CBX5: variants seen among roughly 807,000 people sequenced by gnomAD.
CBX5 encodes the protein chromobox 5.
In CBX5, 7 loss-of-function variants were observed where a neutral mutation model predicts 20.7. The ratio of observed to expected loss-of-function variants is 0.34; its 90% confidence interval spans 0.19 to 0.63. CBX5 has a LOEUF of 0.63. Ranked by LOEUF, CBX5 falls within the 30% of genes least tolerant of loss-of-function variation. The probability of loss-of-function intolerance (pLI) is 0.75; values close to 1 mark genes in which losing one functional copy is unlikely to be tolerated. For missense variants in CBX5, 110 were observed against 224.1 expected (o/e 0.49, Z 3.25); for synonymous variants, 78 against 77.0 (o/e 1.01, Z -0.07).
Position 54,237,215 on chromosome 12 carries a change from T to C in CBX5, c.*4540A>G, listed in dbSNP as rs1391453552. The stretch of plus-strand genomic sequence containing the variant: ...TCTGTCTATAATGAGAATATATCAA[T>C]AGCAGGAAATCTACTTTCACACATG... On this transcript the variant is annotated 3_prime_UTR_variant, in exon 5 of 5. Coordinates refer to ENST00000209875, the MANE Select transcript of CBX5 (RefSeq NM_012117.3). 1 of 152,118 alleles carries C rather than the reference T, an allele frequency of 6.6e-6. No individual in the cohort carries two copies. The highest frequency in any genetic ancestry group is 1.5e-5 in the Non-Finnish European group (1 of 68,032). 9.4% of individuals were successfully genotyped at this position (152,118 alleles called of 1,614,324 possible).
rs1346588678 is a variant in CBX5, at chr12:54,234,702, C to T, written c.*7053G>A. The T allele has an allele frequency of 6.6e-6, 1 of 152,208 alleles. No homozygotes were observed. The highest frequency in any genetic ancestry group is 1.5e-5 in the Non-Finnish European group (1 of 68,050). 9.4% of individuals were successfully genotyped at this position (152,208 alleles called of 1,614,324 possible). On this transcript the variant is annotated 3_prime_UTR_variant, in exon 5 of 5. Coordinates refer to ENST00000209875, the MANE Select transcript of CBX5 (RefSeq NM_012117.3). ...TTTGCCTCCAGTGCAGGATTCATTCCCTTCCCCACTGCCTTGTTTTAACTC... is the reference window on the plus strand; with the variant it reads ...TTTGCCTCCAGTGCAGGATTCATTCTCTTCCCCACTGCCTTGTTTTAACTC...
At chr12:54,276,936 C>CG (rs1944075105) in intron 1 of CBX5, 1 of 152,336 alleles carries the variant, frequency 6.6e-6, no homozygotes, top group East Asian at 1.9e-4. Flanking sequence ...GAGGCAAAGT[C>CG]TACCTTCTTC....
intron 4 of CBX5, among the ~76,000 whole-genome samples, chr12:54,243,312 A>G (rs75330795): frequency 6.6e-6 from 1 of 152,288 alleles, no homozygotes; most frequent in African/African-American, 2.4e-5. Context: ...ACAGCGCCTC[A>G]TACCTATAAT....
chr12:54,251,334 T>TG (rs1943799342), intron 3 of CBX5, among the ~76,000 whole-genome samples: 1 of 151,064 alleles, frequency 6.6e-6, no homozygotes, highest in Non-Finnish European at 1.5e-5. Flanking sequence ...CTGGCTAACA[T>TG]GGTAAAACCC....
chr12:54,269,441 T>C (rs1235012598), intron 1 of CBX5, among the ~76,000 whole-genome samples: 1 of 151,940 alleles, frequency 6.6e-6, no homozygotes, highest in Non-Finnish European at 1.5e-5. Flanking sequence ...CAGGCTGGAG[T>C]GCGGTGGTGC....
In CBX5 at chr12:54,236,623, T is replaced by C. The variant is rs1943625725; in HGVS notation, c.*5132A>G. 6.6e-6 allele frequency: 1 copy of C among 152,208 alleles called. No individual in the cohort carries two copies. Among genetic ancestry groups the C allele is most frequent in the Non-Finnish European group, 1.5e-5 (1 of 68,030 alleles). The allele number at this position is 152,208 out of a possible 1,614,324, so 9.4% of individuals were successfully genotyped here. A position where few individuals can be genotyped will look rare whatever the true frequency, so the allele number is the denominator to read the frequency against. The stretch of plus-strand genomic sequence containing the variant: ...TGGTCTGATTACAAAAGTACGGATC[T>C]CAACACTATATTTTTTATTCTAAAA... On this transcript the variant is annotated 3_prime_UTR_variant, in exon 5 of 5. Transcript: ENST00000209875.
At chr12:54,273,693 G>A (rs1334060853) in intron 1 of CBX5, 1 of 152,160 alleles carries the variant, frequency 6.6e-6, no homozygotes, top group East Asian at 1.9e-4. Flanking sequence ...AAGGAATGCT[G>A]ACCATAATCA....
intron 1 of CBX5, among the ~76,000 whole-genome samples, chr12:54,261,862 A>G (rs1296330273): frequency 6.6e-6 from 1 of 152,176 alleles, no homozygotes; most frequent in Non-Finnish European, 1.5e-5. Context: ...CGAGGGAAAA[A>G]GTGAGTTTAT....
chr12:54,265,186 C>G (rs1284610653), intron 1 of CBX5, among the ~76,000 whole-genome samples: 2 of 152,172 alleles, frequency 1.3e-5, no homozygotes, highest in Non-Finnish European at 2.9e-5. Context: ...ATTAAATTGT[C>G]AGCTACAGCA....
intron 1 of CBX5, among the ~76,000 whole-genome samples, chr12:54,265,019 T>C (rs1442620084): frequency 1.3e-5 from 2 of 152,208 alleles, no homozygotes; most frequent in African/African-American, 4.8e-5. Context: ...CTTTAGGAAG[T>C]AAGCCAGGGT....
chr12:54,250,869 C>T (rs1216562398), intron 3 of CBX5, among the ~76,000 whole-genome samples: 5 of 147,712 alleles, frequency 3.4e-5, no homozygotes, highest in African/African-American at 1.3e-4. Flanking sequence ...CGGTGGCTCA[C>T]GCCTGTAATC....
At chr12:54,271,214 T>C (rs911278206) in intron 1 of CBX5, among the ~76,000 whole-genome samples, 4 of 152,244 alleles carry the variant, frequency 2.6e-5, no homozygotes, top group Non-Finnish European at 5.9e-5. Context: ...TATCAGGTTG[T>C]TGGTAGTGTT....
Position 54,240,164 on chromosome 12 carries a change from AATT to A in CBX5, c.*1588_*1590del. ...AAAACCCTGCTATTTCCTTACTTTTAATTGTGATTCTCTAGCCCTCCTCAACTA... is the reference window on the plus strand; with the variant it reads ...AAAACCCTGCTATTTCCTTACTTTTAGTGATTCTCTAGCCCTCCTCAACTA... On this transcript the variant is annotated 3_prime_UTR_variant, in exon 5 of 5. Coordinates refer to ENST00000209875, the MANE Select transcript of CBX5 (RefSeq NM_012117.3). The A allele has an allele frequency of 6.6e-6, 1 of 152,200 alleles. No individual in the cohort carries two copies. The allele number at this position is 152,200 out of a possible 1,614,324, so 9.4% of individuals were successfully genotyped here.
chr12:54,262,760 G>T (rs944547562), intron 1 of CBX5: 1 of 152,554 alleles, frequency 6.6e-6, no homozygotes, highest in African/African-American at 2.4e-5. Context: ...ACCAGATAAA[G>T]CATCAAGACT....
rs1023393968 is a variant in CBX5 at position 54,240,701 on chromosome 12, T to C, written c.*1054A>G. On this transcript the variant is annotated 3_prime_UTR_variant, in exon 5 of 5. Transcript: ENST00000209875. ...GTGGCCAACAGCTCACCTCTAAAAC[T>C]TCCCCACTGAAAATAATGGCATGGA... 1.3e-5 allele frequency: 2 copies of C among 151,994 alleles called. No individual in the cohort carries two copies. The highest frequency in any genetic ancestry group is 6.6e-5 in the Admixed American group (1 of 15,248). 9.4% of individuals were successfully genotyped at this position (151,994 alleles called of 1,614,324 possible).
At chr12:54,257,014 C>T (rs756567665) in intron 2 of CBX5, among the ~76,000 whole-genome samples, 1 of 152,168 alleles carries the variant, frequency 6.6e-6, no homozygotes, top group African/African-American at 2.4e-5. Flanking sequence ...CAGGGACCTG[C>T]CACCACACTT....
At chr12:54,247,391 G>A (rs1220741704) in intron 3 of CBX5, among the ~76,000 whole-genome samples, 1 of 152,196 alleles carries the variant, frequency 6.6e-6, no homozygotes, top group Non-Finnish European at 1.5e-5. Context: ...GCTGGGCACA[G>A]TGATGCACAC....
At chr12:54,246,412 G>T (rs544637505) in intron 3 of CBX5, among the ~76,000 whole-genome samples, 197 bp from the exon 4 acceptor site, 13 of 152,182 alleles carry the variant, frequency 8.5e-5, no homozygotes, top group African/African-American at 3.1e-4. Context: ...AGATATTTTT[G>T]TAAGATGTGA....
chr12:54,252,370 C>T (rs1320713779), intron 2 of CBX5, 143 bp from the exon 3 acceptor site: 2 of 469,892 alleles, frequency 4.3e-6, no homozygotes, highest in Non-Finnish European at 3.6e-6. Flanking sequence ...CAAATTTGAT[C>T]CTAGATTTCT....
Sources: gnomAD v4.1 joint callset for allele counts (sites outside exome capture counted in the v4.1 genomes callset) on GRCh38, gnomAD v4.1.1 for gene constraint, MANE v1.5 for transcripts, NCBI Gene and HGNC (gene_info 2026-07-23, HGNC 2026-07-21) for gene names.